The following BAZ1B variants were observed in gnomAD, a reference collection of about 807,000 sequenced individuals.
The protein encoded by BAZ1B is tyrosine-protein kinase BAZ1B.
BAZ1B carries 22 observed loss-of-function variants against 153.8 expected under a neutral mutation model. The observed-to-expected ratio is 0.14, with a 90% CI of 0.10 to 0.20. BAZ1B has a LOEUF of 0.20. Ranked by LOEUF, BAZ1B falls within the 10% of genes least tolerant of loss-of-function variation. The probability of loss-of-function intolerance (pLI) is 1.00; values close to 1 mark genes in which losing one functional copy is unlikely to be tolerated. For missense variants in BAZ1B, 1,325 were observed against 1,799.3 expected (o/e 0.74, Z 4.77); for synonymous variants, 676 against 633.4 (o/e 1.07, Z -1.01).
intron 7 of BAZ1B, 56 bp downstream of exon 7, chr7:73,476,812 C>G (rs1021597928): frequency 3.3e-6 from 5 of 1,531,660 alleles, no homozygotes; most frequent in Non-Finnish European, 3.5e-6. Context: ...CAGTAATTTC[C>G]TTTCTTTTAC....
Position 73,448,705 on chromosome 7 carries a change from A to C in BAZ1B, c.3728+837T>G, listed in dbSNP as rs78279971. 3.3e-4 allele frequency among the ~76,000 whole-genome samples: 51 copies of C among 152,360 alleles called. 1 individual carries two copies. In the East Asian group the frequency reaches 8.3e-3, roughly 25 times the overall value. ...GAATGTTCCCAGCTGGGAGAAAGGCACAAGAGGCAAGGATGAACAACAAAC... is the reference window on the plus strand; with the variant it reads ...GAATGTTCCCAGCTGGGAGAAAGGCCCAAGAGGCAAGGATGAACAACAAAC... On this transcript the variant is annotated intron_variant, in intron 15 of 19. Transcript: ENST00000339594.
intron 13 of BAZ1B, among the ~76,000 whole-genome samples, 159 bp from the exon 14 acceptor site, chr7:73,451,153 A>G (rs1432357221): frequency 1.3e-5 from 2 of 152,284 alleles, no homozygotes; most frequent in South Asian, 2.1e-4. Flanking sequence ...CCAAAGGGGG[A>G]AAAAAACTTG....
chr7:73,475,027 AC>A (rs1197326883), intron 7 of BAZ1B, among the ~76,000 whole-genome samples: 20 of 152,360 alleles, frequency 1.3e-4, no homozygotes, highest in African/African-American at 4.1e-4. Context: ...ACAATGAGAT[AC>A]CATTTCACAC....
chr7:73,442,896 A>G (rs1390121071), intron 17 of BAZ1B, 68 bp from the exon 18 acceptor site: 5 of 1,191,542 alleles, frequency 4.2e-6, no homozygotes, highest in South Asian at 3.8e-5. Context: ...AGGGCAGAAA[A>G]TAAGTGTATC....
intron 13 of BAZ1B, among the ~76,000 whole-genome samples, chr7:73,456,246 G>T (rs1788193458): frequency 6.6e-6 from 1 of 152,098 alleles, no homozygotes; most frequent in South Asian, 2.1e-4. Flanking sequence ...ACTGAATCTG[G>T]CAATGATTTC....
rs782393037 is a variant in BAZ1B at position 73,466,373 on chromosome 7, T to C, written c.2895A>G (p.Ala965=). 2 of 1,613,944 alleles carry C rather than the reference T, an allele frequency of 1.2e-6. No homozygotes were observed. Among genetic ancestry groups the C allele is most frequent in the Middle Eastern group, 1.7e-4 (1 of 6,058 alleles). The change falls in exon 10 of 20, where the codon GCA becomes GCG. Residue 965 remains alanine, a synonymous_variant. Transcript: ENST00000339594. The stretch of plus-strand genomic sequence containing the variant: ...CTGTTCCATGTTGTGTGTTCATGCT[T>C]GCATTTTTACCTAAGTTTGCTTTCT... The part of the protein sequence containing the change: ...RSKKANLGKN[A]SMNTQHGTAT...
chr7:73,486,802 GATT>G (rs1452369009), intron 6 of BAZ1B, among the ~76,000 whole-genome samples: 1 of 152,232 alleles, frequency 6.6e-6, no homozygotes, highest in East Asian at 1.9e-4. Flanking sequence ...ATCCTCAACA[GATT>G]ATTTTAAATT....
At chr7:73,464,786 C>G (rs782337383) in intron 11 of BAZ1B, among the ~76,000 whole-genome samples, 1 of 152,184 alleles carries the variant, frequency 6.6e-6, no homozygotes, top group Non-Finnish European at 1.5e-5. Context: ...AGTGCAGGGG[C>G]ATGATCTTGG....
At chr7:73,445,803 G>C (rs1302155702) in intron 16 of BAZ1B, among the ~76,000 whole-genome samples, 1 of 152,126 alleles carries the variant, frequency 6.6e-6, no homozygotes, top group Admixed American at 6.6e-5. Flanking sequence ...CGAGGATACA[G>C]TGAGCAGTGA....
chr7:73,473,076 G>A (rs1460859186), intron 7 of BAZ1B, among the ~76,000 whole-genome samples: 1 of 152,074 alleles, frequency 6.6e-6, no homozygotes, highest in Non-Finnish European at 1.5e-5. Context: ...TGAGTAGCTG[G>A]GATTACAGGC....
intron 8 of BAZ1B, 60 bp downstream of exon 8, chr7:73,470,284 TC>T: frequency 6.7e-7 from 1 of 1,489,440 alleles, no homozygotes; most frequent in Non-Finnish European, 9.0e-7. Context: ...TAGAAAATTT[TC>T]CTAACTAATA....
chr7:73,481,729 T>C (rs1186126960), intron 6 of BAZ1B, among the ~76,000 whole-genome samples: 1 of 151,712 alleles, frequency 6.6e-6, no homozygotes, highest in Non-Finnish European at 1.5e-5. Flanking sequence ...CTGCCCTTTT[T>C]GTTGCCTGAT....
chr7:73,461,265 C>T (rs1421537430), intron 12 of BAZ1B, among the ~76,000 whole-genome samples: 2 of 151,932 alleles, frequency 1.3e-5, no homozygotes, highest in South Asian at 2.1e-4. Flanking sequence ...CGTAAGCCAC[C>T]GCGCCCGCAT....
intron 1 of BAZ1B, 27 bp from the exon 2 acceptor site, chr7:73,510,879 T>C (rs1790549035): frequency 1.9e-6 from 3 of 1,590,574 alleles, no homozygotes; most frequent in Non-Finnish European, 2.6e-6. Flanking sequence ...AGGAAAACAA[T>C]ATGCAAGCAA....
At chr7:73,517,378 T>C (rs948481770) in intron 1 of BAZ1B, among the ~76,000 whole-genome samples, 14 of 152,044 alleles carry the variant, frequency 9.2e-5, no homozygotes, top group Middle Eastern at 6.8e-3. Context: ...CCTATGGTTA[T>C]AGCTACTCAG....
At chr7:73,466,226 A>G (rs1788578710) in intron 10 of BAZ1B, 70 bp downstream of exon 10, 8 of 1,141,850 alleles carry the variant, frequency 7.0e-6, no homozygotes, top group South Asian at 1.3e-5. Flanking sequence ...TGGCATCACT[A>G]TACTAAATAC....
chr7:73,511,977 G>A (rs1010218021), intron 1 of BAZ1B, among the ~76,000 whole-genome samples: 3 of 135,416 alleles, frequency 2.2e-5, no homozygotes, highest in Non-Finnish European at 3.0e-5. Context: ...GCAGTGAGCC[G>A]AGATGGCACC....
rs557653185 is a variant in BAZ1B, at chr7:73,485,294, T to C, written c.891+3900A>G. ...AAGGGCATCCTGTCTGGAAAATTAC[T>C]TGGCTCAGGAAAAAATAATTCGTGT... On this transcript the variant is annotated intron_variant, in intron 6 of 19. Coordinates refer to ENST00000339594, the MANE Select transcript of BAZ1B (RefSeq NM_032408.4). Among the ~76,000 whole-genome samples the C allele has an allele frequency of 9.9e-5, 15 of 152,254 alleles. 1 individual carries two copies. The South Asian group carries it at 3.1e-3, about 32-fold the overall frequency.
At position 73,470,410 on chromosome 7, in the gene BAZ1B, T is replaced by G. The variant is rs1554571832; in HGVS notation, c.2667A>C (p.Glu889Asp). 2 of 1,614,172 alleles carry G rather than the reference T, an allele frequency of 1.2e-6. No individual in the cohort carries two copies. Among genetic ancestry groups the G allele is most frequent in the Admixed American group, 3.3e-5 (2 of 60,020 alleles). Residue 889 changes from glutamate (E) to aspartate (D), a missense_variant, in exon 8 of 20, where the codon GAA becomes GAC. Glu to Asp is a conservative substitution (Grantham distance 45). Around this residue, in one of 9 missense-constraint regions of BAZ1B, gnomAD observed 431 missense variants for 563.5 expected, o/e 0.76. Coordinates refer to ENST00000339594, the MANE Select transcript of BAZ1B (RefSeq NM_032408.4). ...HKAAAEKAFQEGIAKAKLVMR... is the reference protein window; with the variant it reads ...HKAAAEKAFQDGIAKAKLVMR... ...TGACTAGTTTGGCCTTGGCAATCCC[T>G]TCCTGGAAAGCTTTCTCAGCAGCTG...
Sources: gnomAD v4.1 joint callset for allele counts (sites outside exome capture counted in the v4.1 genomes callset) on GRCh38, gnomAD v4.1.1 for gene constraint, gnomAD v4.1.1 regional missense constraint, MANE v1.5 for transcripts, NCBI Gene and HGNC (gene_info 2026-07-23, HGNC 2026-07-21) for gene names.